Variants in WDR35 observed in about 807,000 individuals in gnomAD.
WDR35 encodes WD repeat domain 35.
Under a neutral mutation model 158.3 loss-of-function variants are expected in WDR35, and 118 were observed. The ratio of observed to expected loss-of-function variants is 0.75; its 90% CI spans 0.64 to 0.87. WDR35 has a LOEUF of 0.87. Among genes scored for constraint, WDR35 ranks in the 40% least tolerant of loss-of-function variants. The pLI is 0.00. For missense variants in WDR35, 1,263 were observed against 1,405.8 expected (o/e 0.90, Z 1.62); for synonymous variants, 448 against 476.1 (o/e 0.94, Z 0.77).
intron 3 of WDR35, 59 bp downstream of exon 3, chr2:19,982,404 A>C: frequency 6.6e-7 from 1 of 1,508,170 alleles, no homozygotes; most frequent in Non-Finnish European, 9.2e-7. Context: ...ATTAAGTAGA[A>C]ACTTTCTAAA....
In WDR35 at chr2:19,974,646, G is replaced by A. The variant is rs1252895504; in HGVS notation, c.571-13C>T. 1.9e-6 allele frequency: 3 copies of A among 1,610,176 alleles called. No individual in the cohort carries two copies. The highest frequency in any genetic ancestry group is 2.5e-6 in the Non-Finnish European group (3 of 1,177,584). On this transcript the variant is annotated splice_polypyrimidine_tract_variant and intron_variant, in intron 6 of 26. Coordinates refer to ENST00000281405, the MANE Select transcript of WDR35 (RefSeq NM_020779.4). ...GTTTCATTTTTATCTAAATAAAATT[G>A]GTTAGGTTTAATATTTTACATTTTA... is the stretch of plus-strand genomic sequence containing the variant.
chr2:19,931,432 G>A (rs1244302169), intron 23 of WDR35, 23 bp from the exon 24 acceptor site: 4 of 1,611,352 alleles, frequency 2.5e-6, no homozygotes, highest in Non-Finnish European at 3.4e-6. Context: ...TCAAAATTGA[G>A]GGAAGTTACT....
rs540577945 is a variant in WDR35 at position 19,971,548 on chromosome 2, T to C, written c.883-1943A>G. 2.0e-5 allele frequency among the ~76,000 whole-genome samples: 3 copies of C among 152,360 alleles called. No homozygotes were observed. In the East Asian group the frequency reaches 5.8e-4, roughly 29 times the overall value. On this transcript the variant is annotated intron_variant, in intron 8 of 26. Transcript: ENST00000281405. ...GTGAGCCAATAAGTTTCTGTTAATATATACTATGCAGTCTGTGGTATTCTG... is the reference window on the plus strand; with the variant it reads ...GTGAGCCAATAAGTTTCTGTTAATACATACTATGCAGTCTGTGGTATTCTG...
chr2:19,963,250 G>C (rs1671726027), intron 10 of WDR35, among the ~76,000 whole-genome samples: 1 of 152,076 alleles, frequency 6.6e-6, no homozygotes, highest in Non-Finnish European at 1.5e-5. Context: ...GGTGTTTTAA[G>C]TTTAAAAAGG....
chr2:19,965,620 T>C (rs1387320356), intron 10 of WDR35, among the ~76,000 whole-genome samples: 1 of 152,112 alleles, frequency 6.6e-6, no homozygotes, highest in African/African-American at 2.4e-5. Flanking sequence ...TTAACGTAAT[T>C]GTCCTGTTTT....
At chr2:19,913,815 C>T (rs1669908079) in intron 26 of WDR35, 107 bp from the exon 27 acceptor site, 4 of 1,484,914 alleles carry the variant, frequency 2.7e-6, no homozygotes, top group African/African-American at 2.8e-5. Context: ...CTGAGATGAA[C>T]ATCAAATACT....
chr2:19,945,086 C>T (rs1017105603), intron 16 of WDR35, among the ~76,000 whole-genome samples: 3 of 152,080 alleles, frequency 2.0e-5, no homozygotes, highest in Admixed American at 6.6e-5. Context: ...GGTTACCACT[C>T]GGATTATTTT....
At position 19,934,388 on chromosome 2, in the gene WDR35, T is replaced by C. The variant is rs891656595; in HGVS notation, c.2548-877A>G. On this transcript the variant is annotated intron_variant, in intron 21 of 26. Transcript: ENST00000281405. This position sits in a 1 kb window ranked among gnomAD's most constrained non-coding sequence, Gnocchi z 4.6. ...AACATCTTTGTCCTTTGAATATATA[T>C]GTATATGTTTGTGTTGTACACAATC... is the stretch of plus-strand genomic sequence containing the variant. 1.1e-4 allele frequency among the ~76,000 whole-genome samples: 16 copies of C among 152,276 alleles called. No homozygotes were observed. The highest frequency in any genetic ancestry group is 1.0e-3 in the Admixed American group (16 of 15,296).
chr2:19,941,266 G>C (rs1670865248), intron 17 of WDR35, among the ~76,000 whole-genome samples: 1 of 151,758 alleles, frequency 6.6e-6, no homozygotes. Context: ...AATTTAAAAA[G>C]AGAAAAAAGG....
chr2:19,960,654 T>C, intron 10 of WDR35, 40 bp from the exon 11 acceptor site: 1 of 1,443,316 alleles, frequency 6.9e-7, no homozygotes, highest in South Asian at 1.2e-5. Context: ...AACTCCTGCT[T>C]ATGAATAATA....
rs372164920 is a variant in WDR35, at chr2:19,980,633, A to G, written c.307+58T>C. The G allele has an allele frequency of 2.8e-5, 39 of 1,415,084 alleles. No individual in the cohort carries two copies. In the African/African-American group the frequency reaches 4.7e-4, roughly 17 times the overall value. The allele number at this position is 1,415,084 out of a possible 1,614,324, so 87.7% of individuals were successfully genotyped here. A position where few individuals can be genotyped will look rare whatever the true frequency, so the allele number is the denominator to read the frequency against. On this transcript the variant is annotated intron_variant, in intron 4 of 26. Coordinates refer to ENST00000281405, the MANE Select transcript of WDR35 (RefSeq NM_020779.4). ...GGAGATGTTATTTACCCATCCAAAT[A>G]CTGTGATCCAGATGCCAACTTGTGA...
rs960801889 is a variant in WDR35, at chr2:19,930,343, A to G, written c.3121+53T>C. The stretch of plus-strand genomic sequence containing the variant: ...GGCAAATTGAAGAAGCTAGCCCTTC[A>G]TACTCAATTTATAATTTTCAGACAT... On this transcript the variant is annotated intron_variant, in intron 25 of 26. Transcript: ENST00000281405. The G allele has an allele frequency of 4.3e-6, 7 of 1,612,228 alleles. No homozygotes were observed. The South Asian group carries it at 6.6e-5, about 15-fold the overall frequency.
chr2:19,972,953 TC>T (rs1672076828), intron 8 of WDR35, among the ~76,000 whole-genome samples: 1 of 152,076 alleles, frequency 6.6e-6, no homozygotes, highest in South Asian at 2.1e-4. Flanking sequence ...CTTGACATTT[TC>T]CAATGCTACT....
In WDR35 at chr2:19,945,928, C is replaced by T. The variant is rs769970434; in HGVS notation, c.1703G>A (p.Ser568Asn). ...CTCTCCAACTACTTGCTGTCCCGTACTGTCCGTTACTCGAGCATCCAAGTC... is the reference window on the plus strand; with the variant it reads ...CTCTCCAACTACTTGCTGTCCCGTATTGTCCGTTACTCGAGCATCCAAGTC... ...FFDLDARVTD[S>N]TGQQVVGELL... The change falls in exon 16 of 27, where the codon AGT becomes AAT. Residue 568 changes from serine (S) to asparagine (N), a missense_variant. Coordinates refer to ENST00000281405, the MANE Select transcript of WDR35 (RefSeq NM_020779.4). The T allele has an allele frequency of 3.7e-6, 6 of 1,613,982 alleles. No individual in the cohort carries two copies. Among genetic ancestry groups the T allele is most frequent in the South Asian group, 2.2e-5 (2 of 91,072 alleles).
intron 11 of WDR35, 120 bp downstream of exon 11, chr2:19,960,434 G>T: frequency 1.3e-6 from 1 of 784,776 alleles, no homozygotes; most frequent in Non-Finnish European, 2.1e-6. Context: ...AAAGTAGGAA[G>T]TATGGTCATC....
chr2:19,930,865 T>C (rs928078100), intron 24 of WDR35, among the ~76,000 whole-genome samples: 5 of 152,204 alleles, frequency 3.3e-5, no homozygotes, highest in Non-Finnish European at 4.4e-5. Flanking sequence ...TTATAATTCA[T>C]AGTTTGTTAA....
chr2:19,934,774 T>C lies in WDR35; in HGVS notation c.2547+697A>G, dbSNP rs574902092. On this transcript the variant is annotated intron_variant, in intron 21 of 26. Transcript: ENST00000281405. This position sits in a 1 kb window ranked among gnomAD's most constrained non-coding sequence, Gnocchi z 4.6. ...AGTGAAAATACCATTATTACAGAGA[T>C]AGCCGCTCAAATTCACAATAGGGAA... Among the ~76,000 whole-genome samples the C allele has an allele frequency of 8.5e-5, 13 of 152,252 alleles. No individual in the cohort carries two copies. Among genetic ancestry groups the C allele is most frequent in the East Asian group, 5.8e-4 (3 of 5,188 alleles).
intron 12 of WDR35, among the ~76,000 whole-genome samples, chr2:19,953,320 G>C (rs1364974716): frequency 2.0e-5 from 3 of 152,094 alleles, no homozygotes; most frequent in Non-Finnish European, 4.4e-5. Flanking sequence ...CTTACTAGAA[G>C]TAATTCCAAC....
At chr2:19,968,304 C>T (rs983470028) in intron 9 of WDR35, among the ~76,000 whole-genome samples, 1 of 152,198 alleles carries the variant, frequency 6.6e-6, no homozygotes, top group Non-Finnish European at 1.5e-5. Context: ...CCTCTCCATA[C>T]TCTACTCTTT....
Sources: gnomAD v4.1 joint callset for allele counts (sites outside exome capture counted in the v4.1 genomes callset) on GRCh38, gnomAD v4.1.1 for gene constraint, Gnocchi (gnomAD v3.1) non-coding constraint, MANE v1.5 for transcripts, NCBI Gene and HGNC (gene_info 2026-07-23, HGNC 2026-07-21) for gene names.